The following ARHGEF16 variants were observed in gnomAD, a reference collection of about 807,000 sequenced individuals.
ARHGEF16 encodes Rho guanine nucleotide exchange factor 16.
In ARHGEF16, 59 loss-of-function variants were observed where a neutral mutation model predicts 74.1. The ratio of observed to expected loss-of-function variants is 0.80; its 90% CI spans 0.65 to 0.99. The LOEUF is 0.99. Ranked by LOEUF, ARHGEF16 falls within the 50% of genes least tolerant of loss-of-function variation. ARHGEF16 has a pLI of 0.00. For missense variants in ARHGEF16, 948 were observed against 986.6 expected (o/e 0.96, Z 0.52); for synonymous variants, 415 against 412.6 (o/e 1.01, Z -0.07).
chr1:3,456,536 C>G (rs1394732056), intron 1 of ARHGEF16, among the ~76,000 whole-genome samples: 1 of 152,248 alleles, frequency 6.6e-6, no homozygotes, highest in Non-Finnish European at 1.5e-5. Flanking sequence ...CAGGTCAGGA[C>G]AGGGCCTGGC....
At chr1:3,471,072 G>A (rs1346424029) in intron 6 of ARHGEF16, among the ~76,000 whole-genome samples, 2 of 149,530 alleles carry the variant, frequency 1.3e-5, no homozygotes, top group Admixed American at 6.7e-5. Flanking sequence ...ACAGGTATGT[G>A]TGCATGGGCA....
intron 1 of ARHGEF16, among the ~76,000 whole-genome samples, chr1:3,458,553 T>TG (rs1557685052): frequency 6.6e-6 from 1 of 152,244 alleles, no homozygotes; most frequent in South Asian, 2.1e-4. Context: ...GGCATGGGGC[T>TG]GGGGGTCCCA....
At chr1:3,469,172 A>G (rs1639633524) in intron 5 of ARHGEF16, among the ~76,000 whole-genome samples, 1 of 152,128 alleles carries the variant, frequency 6.6e-6, no homozygotes, top group African/African-American at 2.4e-5. Flanking sequence ...AGGGGCTGCC[A>G]TCACCCCCTT....
At chr1:3,465,189 C>G (rs1313413137) in intron 2 of ARHGEF16, among the ~76,000 whole-genome samples, 2 of 152,256 alleles carry the variant, frequency 1.3e-5, no homozygotes, top group African/African-American at 4.8e-5. Flanking sequence ...GGGCACCTGC[C>G]ACATGCTTGG....
intron 12 of ARHGEF16, 32 bp from the exon 13 acceptor site, chr1:3,479,485 C>T: frequency 6.2e-7 from 1 of 1,610,646 alleles, no homozygotes; most frequent in Non-Finnish European, 8.5e-7. Flanking sequence ...GATCGGTCTC[C>T]AGGCCTGGCT....
rs1356322654 is a variant in ARHGEF16 at position 3,467,187 on chromosome 1, G to T, written c.654G>T (p.Glu218Asp). ...SFKDDPQLYQEIQERGLNTSQ... is the reference protein window; with the variant it reads ...SFKDDPQLYQDIQERGLNTSQ... ...CTCTAGACCCCCAGCTCTACCAGGA[G>T]ATCCAGGAGCGGGGCCTGAACACCA... Residue 218 changes from glutamate (E) to aspartate (D), a missense_variant, in exon 4 of 15, where the codon GAG becomes GAT. Glu to Asp is a conservative substitution (Grantham distance 45). Coordinates refer to ENST00000378378, the MANE Select transcript of ARHGEF16 (RefSeq NM_014448.4). 2 of 1,550,612 alleles carry T rather than the reference G, an allele frequency of 1.3e-6. No homozygotes were observed. The highest frequency in any genetic ancestry group is 2.0e-5 in the Admixed American group (1 of 50,986).
At chr1:3,478,328 C>G in intron 11 of ARHGEF16, 96 bp from the exon 12 acceptor site, 1 of 1,362,038 alleles carries the variant, frequency 7.3e-7, no homozygotes. Flanking sequence ...GCCTCCCCAC[C>G]ACTGCAGGGG....
chr1:3,474,412 C>T, intron 8 of ARHGEF16: 2 of 393,440 alleles, frequency 5.1e-6, no homozygotes, highest in Admixed American at 3.7e-5. Flanking sequence ...AATGGGGCTG[C>T]CAGGGGGCCT....
intron 1 of ARHGEF16, among the ~76,000 whole-genome samples, chr1:3,458,188 CTG>C (rs1413155708): frequency 6.6e-6 from 1 of 152,234 alleles, no homozygotes; most frequent in African/African-American, 2.4e-5. Context: ...GAACAGGAAA[CTG>C]TCCCTGCCCC....
rs960766132 is a variant in ARHGEF16, at chr1:3,455,893, C to T, written c.-20+1082C>T. Among the ~76,000 whole-genome samples the T allele has an allele frequency of 2.0e-5, 3 of 152,266 alleles. No homozygotes were observed. The South Asian group carries it at 6.2e-4, about 32-fold the overall frequency. On this transcript the variant is annotated intron_variant, in intron 1 of 14. Coordinates refer to ENST00000378378, the MANE Select transcript of ARHGEF16 (RefSeq NM_014448.4). ...TAGAAGATGTTGACCCACAAGTGTG[C>T]CAGGCAGACGTGGACCCTGCTGTGC...
At chr1:3,478,876 G>A (rs1212408558) in intron 12 of ARHGEF16, among the ~76,000 whole-genome samples, 1 of 152,130 alleles carries the variant, frequency 6.6e-6, no homozygotes, top group Non-Finnish European at 1.5e-5. Flanking sequence ...GGGGGGTGGG[G>A]TGCGGGGGGT....
At chr1:3,479,486 A>T (rs1208718794) in intron 12 of ARHGEF16, 31 bp from the exon 13 acceptor site, 5 of 1,610,562 alleles carry the variant, frequency 3.1e-6, no homozygotes, top group Middle Eastern at 1.7e-4. Context: ...ATCGGTCTCC[A>T]GGCCTGGCTC....
chr1:3,473,067 C>T lies in ARHGEF16; in HGVS notation c.1023-11C>T, dbSNP rs777295382. 3.1e-6 allele frequency: 5 copies of T among 1,610,860 alleles called. No individual in the cohort carries two copies. The highest frequency in any genetic ancestry group is 1.1e-5 in the South Asian group (1 of 90,594). On this transcript the variant is annotated splice_polypyrimidine_tract_variant and intron_variant, in intron 6 of 14. Transcript: ENST00000378378. ...GCCCGTGGCACCCTCCTCACCCCTCCTTGCCTTCAGGTTCTTCGAGGACCT... is the reference window on the plus strand; with the variant it reads ...GCCCGTGGCACCCTCCTCACCCCTCTTTGCCTTCAGGTTCTTCGAGGACCT...
At chr1:3,466,115 C>T (rs1001212237) in intron 2 of ARHGEF16, 33 bp from the exon 3 acceptor site, 1 of 1,547,910 alleles carries the variant, frequency 6.5e-7, no homozygotes, top group Non-Finnish European at 8.7e-7. Context: ...CCCCGGCTGA[C>T]AGCTGCGGTT....
chr1:3,455,700 C>T lies in ARHGEF16; in HGVS notation c.-20+889C>T, dbSNP rs139287163. Among the ~76,000 whole-genome samples, 5 of 152,168 alleles carry T rather than the reference C, an allele frequency of 3.3e-5. No individual in the cohort carries two copies. The South Asian group carries it at 6.2e-4, about 19-fold the overall frequency. On this transcript the variant is annotated intron_variant, in intron 1 of 14. Transcript: ENST00000378378. ...GGTGCGTGTGGGCCTGGCTGGGGGT[C>T]CAGCAAGAGGGTCCAGGTGCTGTGC...
At chr1:3,476,640 G>A (rs758005244) in intron 10 of ARHGEF16, among the ~76,000 whole-genome samples, 33 of 152,060 alleles carry the variant, frequency 2.2e-4, no homozygotes, top group Non-Finnish European at 3.2e-4. Flanking sequence ...CACACTGGCC[G>A]CATCCTCTGT....
intron 12 of ARHGEF16, among the ~76,000 whole-genome samples, chr1:3,479,039 G>T (rs947820382): frequency 6.6e-6 from 1 of 152,236 alleles, no homozygotes; most frequent in Non-Finnish European, 1.5e-5. Context: ...GACCCTGGCC[G>T]GTAGGGGCCA....
intron 10 of ARHGEF16, 78 bp from the exon 11 acceptor site, chr1:3,477,797 C>T (rs1207589734): frequency 7.1e-7 from 1 of 1,412,786 alleles, no homozygotes; most frequent in Non-Finnish European, 9.9e-7. Flanking sequence ...TCCTTGACCC[C>T]CTGGGGACCT....
intron 8 of ARHGEF16, 45 bp downstream of exon 8, chr1:3,473,567 G>T: frequency 3.7e-6 from 6 of 1,600,106 alleles, no homozygotes; most frequent in Non-Finnish European, 5.1e-6. Flanking sequence ...CCATCCTGGG[G>T]TCCCACGGCC....
Sources: gnomAD v4.1 joint callset for allele counts (sites outside exome capture counted in the v4.1 genomes callset) on GRCh38, gnomAD v4.1.1 for gene constraint, MANE v1.5 for transcripts, NCBI Gene and HGNC (gene_info 2026-07-23, HGNC 2026-07-21) for gene names.